Variants in TEN1 observed in about 807,000 individuals in gnomAD.
TEN1 encodes CST complex subunit TEN1.
In TEN1, 6 loss-of-function variants were observed where a neutral mutation model predicts 9.3. The observed-to-expected ratio is 0.65, with a 90% CI of 0.35 to 1.27. TEN1 has a LOEUF of 1.27. Ranked by LOEUF, TEN1 falls within the 50% of genes most tolerant of loss-of-function variation. The pLI, the probability that TEN1 is intolerant of heterozygous loss-of-function variation, is 0.03. For missense variants in TEN1, 149 were observed against 158.2 expected (o/e 0.94, Z 0.31); for synonymous variants, 65 against 65.6 (o/e 0.99, Z 0.04).
In TEN1 at chr17:76,000,096, A is replaced by C; in HGVS notation, c.251-45A>C. 1 of 1,540,468 alleles carries C rather than the reference A, an allele frequency of 6.5e-7. No individual in the cohort carries two copies. The highest frequency in any genetic ancestry group is 8.8e-7 in the Non-Finnish European group (1 of 1,139,490). ...GAATGCACCTTGGAGGACGTTGTTG[A>C]CACGCCGCTCAGTCGCCGTTCGTGC... On this transcript the variant is annotated intron_variant, in intron 3 of 3. Coordinates refer to ENST00000397640, the MANE Select transcript of TEN1 (RefSeq NM_001113324.3). The surrounding 1 kb of genome is among the most constrained non-coding windows in gnomAD (Gnocchi z 5.9).
Position 76,000,514 on chromosome 17 carries a change from C to T in TEN1, c.*252C>T, listed in dbSNP as rs868823708. 3 of 527,052 alleles carry T rather than the reference C, an allele frequency of 5.7e-6. No homozygotes were observed. The highest frequency in any genetic ancestry group is 3.6e-5 in the East Asian group (1 of 27,688). The allele number at this position is 527,052 out of a possible 1,614,324, so 32.6% of individuals were successfully genotyped here. A position where few individuals can be genotyped will look rare whatever the true frequency, so the allele number is the denominator to read the frequency against. ...GGTGGCCGAGCTTGGGCGCCGGGGC[C>T]GTGCTTGGTGTGGGGCCATGGAGGG... On this transcript the variant is annotated 3_prime_UTR_variant, in exon 4 of 4. Transcript: ENST00000397640. This position sits in a 1 kb window ranked among gnomAD's most constrained non-coding sequence, Gnocchi z 5.9.
intron 3 of TEN1, among the ~76,000 whole-genome samples, chr17:75,995,249 A>C (rs1473776758): frequency 6.6e-6 from 1 of 151,122 alleles, no homozygotes; most frequent in African/African-American, 2.4e-5. Flanking sequence ...AAAAAAGTCC[A>C]GGTGTGGTTG....
At chr17:75,986,427 C>A in intron 2 of TEN1, 143 bp downstream of exon 2, 1 of 779,344 alleles carries the variant, frequency 1.3e-6, no homozygotes. Flanking sequence ...AGTTGCCGGG[C>A]GCGGTGGCTC....
intron 2 of TEN1, among the ~76,000 whole-genome samples, chr17:75,990,112 C>A (rs548654267): frequency 2.1e-4 from 31 of 150,828 alleles, no homozygotes; most frequent in African/African-American, 6.3e-4. Flanking sequence ...GTGGTACGAT[C>A]TCGGCTCACT....
At chr17:75,995,052 T>C (rs1238903981) in intron 3 of TEN1, among the ~76,000 whole-genome samples, 1 of 152,034 alleles carries the variant, frequency 6.6e-6, no homozygotes, top group Non-Finnish European at 1.5e-5. Flanking sequence ...TGAGACCCCA[T>C]CTTTACAAAA....
intron 2 of TEN1, 73 bp downstream of exon 2, chr17:75,986,357 A>G (rs1351421418): frequency 7.8e-7 from 1 of 1,285,266 alleles, no homozygotes; most frequent in Non-Finnish European, 1.1e-6. Context: ...CCAAAAAGAC[A>G]TAATTAGAAA....
intron 3 of TEN1, among the ~76,000 whole-genome samples, chr17:75,997,335 C>G (rs2144364077): frequency 6.6e-6 from 1 of 152,254 alleles, no homozygotes; most frequent in East Asian, 1.9e-4. Context: ...AGAAATCCTT[C>G]CTGTGTCCTG....
intron 1 of TEN1, among the ~76,000 whole-genome samples, chr17:75,980,966 TGTGGA>T (rs1412079650): frequency 6.6e-6 from 1 of 152,162 alleles, no homozygotes; most frequent in East Asian, 1.9e-4. Flanking sequence ...AGGAAATCTT[TGTGGA>T]GTGAACAAAT....
intron 2 of TEN1, among the ~76,000 whole-genome samples, chr17:75,991,017 G>A (rs1237322297): frequency 1.3e-5 from 2 of 151,350 alleles, no homozygotes; most frequent in Non-Finnish European, 3.0e-5. Flanking sequence ...AGGCCTGGTG[G>A]CAGGCACCTG....
intron 3 of TEN1, among the ~76,000 whole-genome samples, chr17:75,995,974 C>A (rs888312205): frequency 2.6e-5 from 4 of 152,074 alleles, no homozygotes; most frequent in African/African-American, 9.7e-5. Flanking sequence ...TGCTTGTAGT[C>A]CCAGCTACTT....
intron 1 of TEN1, among the ~76,000 whole-genome samples, chr17:75,981,772 A>G (rs749547803): frequency 7.2e-5 from 11 of 152,068 alleles, no homozygotes; most frequent in Non-Finnish European, 1.5e-4. Context: ...GCTCACGCCT[A>G]TAATCCTGGC....
intron 2 of TEN1, among the ~76,000 whole-genome samples, chr17:75,987,774 G>A (rs1946249782): frequency 6.6e-6 from 1 of 151,350 alleles, no homozygotes; most frequent in South Asian, 2.1e-4. Context: ...AAAATTAGCC[G>A]GGCTTGGTGG....
chr17:75,979,413 G>T lies in TEN1; in HGVS notation c.-105G>T. 4.4e-6 allele frequency: 2 copies of T among 457,858 alleles called. No homozygotes were observed. Among genetic ancestry groups the T allele is most frequent in the East Asian group, 4.4e-5 (1 of 22,874 alleles). The allele number at this position is 457,858 out of a possible 1,614,324, so 28.4% of individuals were successfully genotyped here. A position where few individuals can be genotyped will look rare whatever the true frequency, so the allele number is the denominator to read the frequency against. The stretch of plus-strand genomic sequence containing the variant: ...AACTGCCCTGCTGGGCGTCCGGGGA[G>T]TGGGAAAATAAAGCACTTTTTGTAT... On this transcript the variant is annotated 5_prime_UTR_variant, in exon 1 of 4. Transcript: ENST00000397640.
chr17:75,986,037 C>T (rs2066150092), intron 1 of TEN1, 150 bp from the exon 2 acceptor site: 2 of 565,336 alleles, frequency 3.5e-6, no homozygotes, highest in Non-Finnish European at 6.0e-6. Flanking sequence ...TATCCCTCCC[C>T]CCAAAAAATT....
At chr17:75,994,767 C>T (rs930874669) in intron 3 of TEN1, among the ~76,000 whole-genome samples, 3 of 152,110 alleles carry the variant, frequency 2.0e-5, no homozygotes, top group Non-Finnish European at 2.9e-5. Flanking sequence ...TGAGCCACCG[C>T]GCCCGGCCTG....
chr17:75,988,351 A>T (rs1009768748), intron 2 of TEN1, among the ~76,000 whole-genome samples: 1 of 151,730 alleles, frequency 6.6e-6, no homozygotes. Context: ...GCTTGAGTCC[A>T]GGAGTTTGAG....
chr17:75,994,740 T>C (rs1211562895), intron 3 of TEN1, among the ~76,000 whole-genome samples: 1 of 151,990 alleles, frequency 6.6e-6, no homozygotes, highest in African/African-American at 2.4e-5. Context: ...CTTCCCAAAG[T>C]GCTGGGATTA....
rs543080201 is a variant in TEN1 at position 75,997,622 on chromosome 17, A to G, written c.251-2519A>G. Among the ~76,000 whole-genome samples the G allele has an allele frequency of 4.6e-5, 7 of 152,248 alleles. No homozygotes were observed. In the East Asian group the frequency reaches 1.2e-3, roughly 25 times the overall value. On this transcript the variant is annotated intron_variant, in intron 3 of 3. Transcript: ENST00000397640. The stretch of plus-strand genomic sequence containing the variant: ...GTTACCACAGTTCTTCCCTGTCCAC[A>G]TATAAGGTGTTCAAGCCTCCTCTAT...
intron 2 of TEN1, among the ~76,000 whole-genome samples, chr17:75,990,729 G>T (rs1297024557): frequency 6.6e-6 from 1 of 150,722 alleles, no homozygotes; most frequent in Admixed American, 6.6e-5. Context: ...AGCTACTCAG[G>T]AGGCTGAGAT....
Sources: allele counts gnomAD v4.1 joint callset (sites outside exome capture counted in the v4.1 genomes callset), GRCh38; gene constraint gnomAD v4.1.1; non-coding constraint Gnocchi (gnomAD v3.1); transcripts MANE v1.5; gene names NCBI Gene and HGNC (gene_info 2026-07-23, HGNC 2026-07-21).